ANO10: variants seen among roughly 807,000 people sequenced by gnomAD.
ANO10 encodes anoctamin 10.
Under a neutral mutation model 74.7 loss-of-function variants are expected in ANO10, and 77 were observed. The observed-to-expected ratio is 1.03, with a 90% CI of 0.86 to 1.25. ANO10 has a LOEUF of 1.25. ANO10 is among the 50% of genes most tolerant of loss of function. The pLI is 0.00. For missense variants in ANO10, 721 were observed against 778.1 expected, an observed-to-expected ratio of 0.93 and a Z score of 0.87; for synonymous variants, 279 against 284.9, an observed-to-expected ratio of 0.98 and a Z score of 0.21.
At chr3:43,566,491 G>C (rs2080352780) in intron 7 of ANO10, among the ~76,000 whole-genome samples, 1 of 152,244 alleles carries the variant, frequency 6.6e-6, no homozygotes, top group Admixed American at 6.5e-5. Context: ...GGAGATATGA[G>C]AATGGGCAGA....
At chr3:43,518,778 TTA>T (rs1362626550) in intron 11 of ANO10, among the ~76,000 whole-genome samples, 4 of 152,132 alleles carry the variant, frequency 2.6e-5, no homozygotes, top group Non-Finnish European at 4.4e-5. Flanking sequence ...CTAGTAAATT[TTA>T]GTCAGACCGG....
Position 43,494,251 on chromosome 3 carries a change from C to T in ANO10, c.1797+55469G>A, listed in dbSNP as rs544550165. On this transcript the variant is annotated intron_variant, in intron 11 of 12. Transcript: ENST00000292246. ...GGCGGATCACCTGAAGTCAGGGGTT[C>T]GGGACCAGCCTGGCCAACATGGTGA... is the stretch of plus-strand genomic sequence containing the variant. Among the ~76,000 whole-genome samples, 48 of 152,176 alleles carry T rather than the reference C, an allele frequency of 3.2e-4. No individual in the cohort carries two copies. In the East Asian group the frequency reaches 8.3e-3, roughly 26 times the overall value.
chr3:43,688,779 GGTCATA>G (rs1476553431), intron 1 of ANO10, among the ~76,000 whole-genome samples: 1 of 151,914 alleles, frequency 6.6e-6, no homozygotes, highest in Non-Finnish European at 1.5e-5. Context: ...GGGAGGTGCA[GGTCATA>G]GAGAGCCAAG....
At chr3:43,465,913 T>C (rs563293906) in intron 11 of ANO10, among the ~76,000 whole-genome samples, 29 of 152,356 alleles carry the variant, frequency 1.9e-4, no homozygotes, top group Admixed American at 4.6e-4. Context: ...TGTCAGTTTA[T>C]CTTCTCCAAA....
chr3:43,682,823 C>CA (rs1193848188), intron 1 of ANO10, among the ~76,000 whole-genome samples: 1 of 152,130 alleles, frequency 6.6e-6, no homozygotes, highest in Non-Finnish European at 1.5e-5. Flanking sequence ...GAACCAACGA[C>CA]AAAAAACACA....
intron 6 of ANO10, 47 bp downstream of exon 6, chr3:43,576,645 A>G (rs755048076): frequency 6.3e-7 from 1 of 1,592,898 alleles, no homozygotes; most frequent in East Asian, 2.2e-5. Context: ...TCTAGGCAAC[A>G]TTTCTTACAG....
At chr3:43,646,860 T>C (rs1420251853) in intron 1 of ANO10, among the ~76,000 whole-genome samples, 4 of 152,190 alleles carry the variant, frequency 2.6e-5, no homozygotes, top group African/African-American at 7.2e-5. Flanking sequence ...AGTTCGGTTC[T>C]AAAATGAGAA....
chr3:43,422,263 C>T (rs138335252), intron 12 of ANO10, among the ~76,000 whole-genome samples: 240 of 151,984 alleles, frequency 1.6e-3, no homozygotes, highest in African/African-American at 5.0e-3. Flanking sequence ...ATTACAGGTG[C>T]GTGCCACCAT....
At position 43,588,291 on chromosome 3, in the gene ANO10, A is replaced by G. The variant is rs147746007; in HGVS notation, c.473-7819T>C. ...ATATTTTCAATATGAGTAAAAAGAT[A>G]CAAATATAAACCAAAGAAATTAAGT... On this transcript the variant is annotated intron_variant, in intron 4 of 12. Coordinates refer to ENST00000292246, the MANE Select transcript of ANO10 (RefSeq NM_018075.5). 3.4e-3 allele frequency among the ~76,000 whole-genome samples: 522 copies of G among 152,268 alleles called. 13 individuals carry two copies. In the East Asian group the frequency reaches 0.062, roughly 18 times the overall value.
chr3:43,593,805 C>T (rs2081936187), intron 4 of ANO10, among the ~76,000 whole-genome samples: 1 of 152,186 alleles, frequency 6.6e-6, no homozygotes, highest in Non-Finnish European at 1.5e-5. Context: ...AATTAAAAGA[C>T]ACAGACTGGC....
At chr3:43,513,624 C>T (rs1243547924) in intron 11 of ANO10, among the ~76,000 whole-genome samples, 1 of 152,182 alleles carries the variant, frequency 6.6e-6, no homozygotes, top group Non-Finnish European at 1.5e-5. Context: ...CATTCTCCTG[C>T]CTCAGCCTCC....
At chr3:43,682,075 T>C (rs1344804679) in intron 1 of ANO10, among the ~76,000 whole-genome samples, 2 of 151,978 alleles carry the variant, frequency 1.3e-5, no homozygotes, top group South Asian at 2.1e-4. Context: ...GAAATAACTA[T>C]GACCAGAGCC....
At chr3:43,573,971 T>C (rs1429769259) in intron 7 of ANO10, among the ~76,000 whole-genome samples, 3 of 152,220 alleles carry the variant, frequency 2.0e-5, no homozygotes, top group African/African-American at 7.2e-5. Flanking sequence ...TTTTTGTTTT[T>C]TGAGACAGGG....
At chr3:43,618,244 G>A (rs1017188219) in intron 1 of ANO10, among the ~76,000 whole-genome samples, 2 of 152,172 alleles carry the variant, frequency 1.3e-5, no homozygotes, top group Admixed American at 6.5e-5. Context: ...GATTCCACAG[G>A]AAGGTACAGG....
chr3:43,366,837 C>A lies in ANO10; in HGVS notation c.*69G>T, dbSNP rs1209470435. On this transcript the variant is annotated 3_prime_UTR_variant, in exon 13 of 13. Transcript: ENST00000292246. Reference sequence around the variant, plus strand: ...CCACGATGCTGCCCCGGGTACCCCCCCTGCCACCGTGGCAGGTGTGGCACA... The same window carrying A: ...CCACGATGCTGCCCCGGGTACCCCCACTGCCACCGTGGCAGGTGTGGCACA... 3 of 1,476,256 alleles carry A rather than the reference C, an allele frequency of 2.0e-6. No homozygotes were observed. Among genetic ancestry groups the A allele is most frequent in the South Asian group, 1.2e-5 (1 of 82,648 alleles). 91.4% of individuals were successfully genotyped at this position (1,476,256 alleles called of 1,614,324 possible). A position where few individuals can be genotyped will look rare whatever the true frequency, so the allele number is the denominator to read the frequency against.
intron 4 of ANO10, among the ~76,000 whole-genome samples, chr3:43,582,178 G>A (rs369745504): frequency 2.5e-4 from 38 of 152,160 alleles, no homozygotes; most frequent in African/African-American, 7.9e-4. Flanking sequence ...TTGGCTGGGC[G>A]CGGTGGCTCA....
At chr3:43,599,321 C>T (rs2082230115) in intron 3 of ANO10, among the ~76,000 whole-genome samples, 1 of 152,170 alleles carries the variant, frequency 6.6e-6, no homozygotes, top group Non-Finnish European at 1.5e-5. Flanking sequence ...AGCTCCCATC[C>T]TGTTATCATA....
intron 9 of ANO10, among the ~76,000 whole-genome samples, chr3:43,557,012 A>T (rs1470161203): frequency 6.6e-6 from 1 of 152,206 alleles, no homozygotes; most frequent in Admixed American, 6.5e-5. Context: ...TGTGGGTAAA[A>T]GATATAAAAA....
intron 11 of ANO10, among the ~76,000 whole-genome samples, chr3:43,450,169 AT>A (rs879769152): frequency 9.2e-5 from 14 of 152,112 alleles, no homozygotes; most frequent in Admixed American, 6.6e-4. Flanking sequence ...AAATATTTGA[AT>A]TTTTTTTCTG....
Sources: gnomAD v4.1 joint callset for allele counts (sites outside exome capture counted in the v4.1 genomes callset) on GRCh38, gnomAD v4.1.1 for gene constraint, MANE v1.5 for transcripts, NCBI Gene and HGNC (gene_info 2026-07-23, HGNC 2026-07-21) for gene names.